Variants in DPYD observed in about 807,000 individuals in gnomAD.
The protein encoded by DPYD is dihydropyrimidine dehydrogenase [NADP(+)].
In DPYD, 109 loss-of-function variants were observed where a neutral mutation model predicts 116.2. The observed-to-expected ratio is 0.94, with a 90% CI of 0.80 to 1.10. The LOEUF is 1.10. Among genes scored for constraint, DPYD ranks in the 50% least tolerant of loss-of-function variants. The probability of loss-of-function intolerance (pLI) is 0.00; values close to 1 mark genes in which losing one functional copy is unlikely to be tolerated. For synonymous variants in DPYD, 440 were observed against 432.0 expected (o/e 1.02, Z -0.23); for missense variants, 1,302 against 1,254.5 (o/e 1.04, Z -0.57).
At chr1:97,744,749 A>G (rs913532536) in intron 3 of DPYD, among the ~76,000 whole-genome samples, 7 of 152,066 alleles carry the variant, frequency 4.6e-5, no homozygotes, top group Non-Finnish European at 1.0e-4. Flanking sequence ...TCCCTACCCT[A>G]TAAGCACCAG....
At chr1:97,227,934 G>A (rs1383969051) in intron 19 of DPYD, among the ~76,000 whole-genome samples, 1 of 151,824 alleles carries the variant, frequency 6.6e-6, no homozygotes, top group East Asian at 1.9e-4. Context: ...AGCAAATGAT[G>A]CTGTAACCTA....
chr1:97,247,725 C>T (rs889355172), intron 18 of DPYD, among the ~76,000 whole-genome samples: 3 of 152,058 alleles, frequency 2.0e-5, no homozygotes, highest in African/African-American at 7.2e-5. Flanking sequence ...ACAATATGAG[C>T]AATGTCATAC....
chr1:97,207,992 C>T (rs1362645792), intron 19 of DPYD, among the ~76,000 whole-genome samples: 1 of 152,122 alleles, frequency 6.6e-6, no homozygotes, highest in East Asian at 1.9e-4. Context: ...ATATTATTGC[C>T]ATTGTAAATG....
At chr1:97,165,685 C>A (rs1464523023) in intron 20 of DPYD, among the ~76,000 whole-genome samples, 1 of 152,078 alleles carries the variant, frequency 6.6e-6, no homozygotes, top group African/African-American at 2.4e-5. Flanking sequence ...GAACAAAGAT[C>A]TAATATCCTG....
intron 3 of DPYD, among the ~76,000 whole-genome samples, chr1:97,814,206 A>G (rs536171951): frequency 2.6e-5 from 4 of 152,276 alleles, no homozygotes; most frequent in Admixed American, 2.0e-4. Flanking sequence ...CCAAGCCTGG[A>G]AAGTTTTAGG....
At chr1:97,119,856 C>A (rs552261208) in intron 20 of DPYD, among the ~76,000 whole-genome samples, 2 of 152,204 alleles carry the variant, frequency 1.3e-5, no homozygotes, top group Non-Finnish European at 2.9e-5. Flanking sequence ...AATCCTCTGA[C>A]TGAAGCTGAG....
intron 12 of DPYD, among the ~76,000 whole-genome samples, chr1:97,548,596 G>A (rs1015249311): frequency 5.9e-5 from 9 of 152,024 alleles, no homozygotes; most frequent in Non-Finnish European, 1.2e-4. Context: ...AATTAGCTGG[G>A]TGTGGTGGCA....
chr1:97,817,380 T>A (rs1432485700), intron 3 of DPYD, among the ~76,000 whole-genome samples: 2 of 152,072 alleles, frequency 1.3e-5, no homozygotes, highest in Admixed American at 6.6e-5. Context: ...GTACACATCA[T>A]AATAACCTGT....
intron 2 of DPYD, among the ~76,000 whole-genome samples, chr1:97,830,813 G>A (rs1046212652): frequency 6.6e-6 from 1 of 151,940 alleles, no homozygotes; most frequent in Non-Finnish European, 1.5e-5. Context: ...GCCAGGAATT[G>A]AAGACAGCCA....
intron 3 of DPYD, among the ~76,000 whole-genome samples, chr1:97,770,717 T>C (rs1666093518): frequency 6.6e-6 from 1 of 152,194 alleles, no homozygotes; most frequent in African/African-American, 2.4e-5. Context: ...CATAATCCTC[T>C]TGCAAATAAA....
intron 1 of DPYD, among the ~76,000 whole-genome samples, chr1:97,887,689 T>A (rs1347519661): frequency 6.6e-6 from 1 of 151,730 alleles, no homozygotes; most frequent in Non-Finnish European, 1.5e-5. Flanking sequence ...AGGGCCCATG[T>A]GTCAAATTTA....
intron 14 of DPYD, among the ~76,000 whole-genome samples, chr1:97,445,177 T>C (rs1341138510): frequency 2.0e-5 from 3 of 152,196 alleles, no homozygotes; most frequent in African/African-American, 7.2e-5. Flanking sequence ...CAGTCATAAC[T>C]ACAGATTTGA....
intron 12 of DPYD, among the ~76,000 whole-genome samples, chr1:97,547,160 A>T (rs1364661888): frequency 6.6e-6 from 1 of 152,094 alleles, no homozygotes. Context: ...GCTTACTGAA[A>T]CCTTTCAAGT....
intron 8 of DPYD, among the ~76,000 whole-genome samples, chr1:97,599,900 G>T (rs976302970): frequency 2.0e-4 from 27 of 133,670 alleles, no homozygotes; most frequent in Admixed American, 1.4e-3. Context: ...AAAAAAATTA[G>T]CCGGGCGTGC....
intron 3 of DPYD, among the ~76,000 whole-genome samples, chr1:97,819,787 C>A (rs1333999135): frequency 6.6e-6 from 1 of 151,926 alleles, no homozygotes; most frequent in Non-Finnish European, 1.5e-5. Flanking sequence ...TCTTTGTAAT[C>A]CTAATGAATA....
At chr1:97,898,150 C>G (rs938312491) in intron 1 of DPYD, among the ~76,000 whole-genome samples, 3 of 132,486 alleles carry the variant, frequency 2.3e-5, no homozygotes, top group Non-Finnish European at 3.6e-5. Flanking sequence ...TCCAGTCTGG[C>G]TGGTGGGAGG....
At chr1:97,725,997 T>G (rs1381189614) in intron 4 of DPYD, among the ~76,000 whole-genome samples, 1 of 151,614 alleles carries the variant, frequency 6.6e-6, no homozygotes, top group African/African-American at 2.4e-5. Flanking sequence ...TCATAAAAGC[T>G]GTTATGTTTT....
intron 18 of DPYD, among the ~76,000 whole-genome samples, chr1:97,297,219 G>T (rs933583886): frequency 6.6e-6 from 1 of 152,164 alleles, no homozygotes; most frequent in Non-Finnish European, 1.5e-5. Context: ...AGCAAGTAAA[G>T]TTAAGCTGGC....
At chr1:97,786,124 C>CAATTT (rs1412305915) in intron 3 of DPYD, among the ~76,000 whole-genome samples, 2 of 149,920 alleles carry the variant, frequency 1.3e-5, no homozygotes, top group Non-Finnish European at 3.0e-5. Context: ...CCAAAATACG[C>CAATTT]AATTTAAGAC....
Sources: allele counts gnomAD v4.1 joint callset (sites outside exome capture counted in the v4.1 genomes callset), GRCh38; gene constraint gnomAD v4.1.1; transcripts MANE v1.5; gene names NCBI Gene and HGNC (gene_info 2026-07-23, HGNC 2026-07-21).